UVRAG: variants seen among roughly 807,000 people sequenced by gnomAD.
UVRAG encodes the protein UV radiation resistance-associated gene protein.
UVRAG carries 19 observed loss-of-function variants against 78.0 expected under a neutral mutation model. The observed-to-expected ratio is 0.24, with a 90% confidence interval of 0.17 to 0.36. The LOEUF (loss-of-function observed/expected upper bound fraction) is 0.36, where lower values mean the gene tolerates loss of function less well. Ranked by LOEUF, UVRAG falls within the 10% of genes least tolerant of loss-of-function variation. The pLI is 1.00. For missense variants in UVRAG, 740 were observed against 853.8 expected (o/e 0.87, Z 1.66); for synonymous variants, 323 against 324.6 (o/e 1.00, Z 0.05).
intron 13 of UVRAG, among the ~76,000 whole-genome samples, chr11:76,069,455 T>C (rs1951259141): frequency 6.6e-6 from 1 of 152,164 alleles, no homozygotes; most frequent in Non-Finnish European, 1.5e-5. Context: ...CTGTCAAAAT[T>C]CAGGTGCAGT....
intron 1 of UVRAG, among the ~76,000 whole-genome samples, chr11:75,821,480 G>A (rs1379776313): frequency 2.0e-5 from 3 of 152,108 alleles, no homozygotes; most frequent in African/African-American, 7.2e-5. Flanking sequence ...AAGTAGCTGA[G>A]ACTACAATGG....
At chr11:76,003,975 A>C (rs765289394) in intron 8 of UVRAG, 30 bp from the exon 9 acceptor site, 2 of 1,590,562 alleles carry the variant, frequency 1.3e-6, no homozygotes, top group Non-Finnish European at 1.7e-6. Flanking sequence ...TATGTTACAT[A>C]TGGAATTATC....
intron 8 of UVRAG, among the ~76,000 whole-genome samples, chr11:75,990,002 C>T (rs1465544287): frequency 6.6e-6 from 1 of 152,088 alleles, no homozygotes; most frequent in African/African-American, 2.4e-5. Flanking sequence ...GTGTATTTCA[C>T]ATAGTTGACA....
rs1224061828 is a variant in UVRAG, at chr11:75,961,445, C to T, written c.595C>T (p.Leu199Phe). 6.3e-7 allele frequency: 1 copy of T among 1,584,880 alleles called. No individual in the cohort carries two copies. The highest frequency in any genetic ancestry group is 1.2e-5 in the South Asian group (1 of 84,942). Residue 199 changes from leucine to phenylalanine, a missense_variant and splice_region_variant, in exon 7 of 15, where the codon CTT becomes TTT. Transcript: ENST00000356136. ...NSYDVFSLLR[L>F]HRAQCAIKQT... ...TTTTTCTATAACTTATATTTCTAGGCTTCATAGAGCCCAGTGTGCAATTAA... is the reference window on the plus strand; with the variant it reads ...TTTTTCTATAACTTATATTTCTAGGTTTCATAGAGCCCAGTGTGCAATTAA...
At chr11:76,075,611 CAA>C (rs879475858) in intron 13 of UVRAG, among the ~76,000 whole-genome samples, 7 of 134,034 alleles carry the variant, frequency 5.2e-5, no homozygotes, top group Non-Finnish European at 4.9e-5. Flanking sequence ...GACTGTGTCT[CAA>C]AAAAAAAAAA....
intron 8 of UVRAG, among the ~76,000 whole-genome samples, chr11:75,986,970 A>G (rs1054551857): frequency 3.3e-5 from 5 of 152,210 alleles, no homozygotes; most frequent in Non-Finnish European, 7.3e-5. Flanking sequence ...ACATTCAGTT[A>G]TATGGATATG....
chr11:75,984,066 T>A (rs979457494), intron 8 of UVRAG, among the ~76,000 whole-genome samples: 1 of 152,208 alleles, frequency 6.6e-6, no homozygotes, highest in African/African-American at 2.4e-5. Context: ...TGATTTAACG[T>A]ACGATTTTTC....
chr11:75,862,012 C>T (rs116596391), intron 3 of UVRAG, among the ~76,000 whole-genome samples: 1,546 of 151,890 alleles, frequency 0.01, 33 homozygotes, highest in African/African-American at 0.035. Context: ...TGTAGCACAC[C>T]GACATGGCAC....
intron 13 of UVRAG, among the ~76,000 whole-genome samples, chr11:76,107,609 G>T (rs1170760545): frequency 6.6e-6 from 1 of 152,208 alleles, no homozygotes; most frequent in Non-Finnish European, 1.5e-5. Flanking sequence ...TACTTAGGTT[G>T]TTCTTGCAAC....
intron 13 of UVRAG, 95 bp from the exon 14 acceptor site, chr11:76,115,829 T>C: frequency 9.1e-7 from 1 of 1,101,752 alleles, no homozygotes; most frequent in Non-Finnish European, 1.3e-6. Flanking sequence ...CATTTCCTCT[T>C]TTAGAGTTCA....
chr11:76,107,480 G>A (rs2134453584), intron 13 of UVRAG, among the ~76,000 whole-genome samples: 1 of 152,312 alleles, frequency 6.6e-6, no homozygotes, highest in South Asian at 2.1e-4. Context: ...AAAGCTTCTA[G>A]TTTTGACTTC....
At chr11:75,928,142 C>G (rs1948154194) in intron 6 of UVRAG, among the ~76,000 whole-genome samples, 3 of 152,072 alleles carry the variant, frequency 2.0e-5, no homozygotes, top group African/African-American at 7.2e-5. Context: ...GGAGAATAGA[C>G]TGGGCTTCGG....
At chr11:75,828,021 T>A (rs1022085988) in intron 1 of UVRAG, among the ~76,000 whole-genome samples, 2 of 152,092 alleles carry the variant, frequency 1.3e-5, no homozygotes, top group South Asian at 4.2e-4. Context: ...TGAAGAAAGC[T>A]TTCTGGTTTT....
chr11:75,854,051 C>G lies in UVRAG; in HGVS notation c.235+2051C>G, dbSNP rs981991586. On this transcript the variant is annotated intron_variant, in intron 2 of 14. Transcript: ENST00000356136. ...TCAGCCTCCCAACGTGCTGGGATTA[C>G]AGGTGTGAGCTACTGTGCCCAGTCC... Among the ~76,000 whole-genome samples, 3 of 152,158 alleles carry G rather than the reference C, an allele frequency of 2.0e-5. No homozygotes were observed. The East Asian group carries it at 5.8e-4, about 29-fold the overall frequency.
At chr11:75,986,582 TAAA>T (rs1222465590) in intron 8 of UVRAG, among the ~76,000 whole-genome samples, 2 of 152,166 alleles carry the variant, frequency 1.3e-5, no homozygotes, top group Non-Finnish European at 2.9e-5. Flanking sequence ...GTTACAAATA[TAAA>T]AAATTGCAGA....
At chr11:76,109,041 G>A (rs1015074131) in intron 13 of UVRAG, among the ~76,000 whole-genome samples, 2 of 151,988 alleles carry the variant, frequency 1.3e-5, no homozygotes, top group Admixed American at 1.3e-4. Context: ...TGGTGGTGGC[G>A]GTGCAGTAGG....
At chr11:75,867,656 T>A (rs1946565030) in intron 3 of UVRAG, among the ~76,000 whole-genome samples, 1 of 152,206 alleles carries the variant, frequency 6.6e-6, no homozygotes, top group South Asian at 2.1e-4. Context: ...AGGAGTGGAA[T>A]TGCTAGGAAT....
At chr11:75,930,104 A>G (rs1185532405) in intron 6 of UVRAG, among the ~76,000 whole-genome samples, 1 of 152,162 alleles carries the variant, frequency 6.6e-6, no homozygotes, top group Non-Finnish European at 1.5e-5. Flanking sequence ...GGTGTTGTAT[A>G]TATTTTATCA....
In UVRAG at chr11:76,004,099, C is replaced by T; in HGVS notation, c.911+10C>T. The T allele has an allele frequency of 1.9e-6, 3 of 1,613,062 alleles. No individual in the cohort carries two copies. Among genetic ancestry groups the T allele is most frequent in the East Asian group, 2.2e-5 (1 of 44,858 alleles). ...AGTGCACTGCAAAAAGGTAAATGCA[C>T]ACTGAGAAGAATTGCTGTGAGTGTG... is the stretch of plus-strand genomic sequence containing the variant. On this transcript the variant is annotated intron_variant, in intron 9 of 14. Coordinates refer to ENST00000356136, the MANE Select transcript of UVRAG (RefSeq NM_003369.4).
Sources: allele counts gnomAD v4.1 joint callset (sites outside exome capture counted in the v4.1 genomes callset), GRCh38; gene constraint gnomAD v4.1.1; transcripts MANE v1.5; gene names NCBI Gene and HGNC (gene_info 2026-07-23, HGNC 2026-07-21).